Variants in RASSF8 observed in about 807,000 individuals in gnomAD.
RASSF8 encodes the protein ras association domain-containing protein 8.
A neutral mutation model predicts 48.5 loss-of-function variants in RASSF8; 22 were observed. The observed-to-expected ratio is 0.45, with a 90% CI of 0.32 to 0.65. The LOEUF (loss-of-function observed/expected upper bound fraction) is 0.65. RASSF8 is among the 30% of genes least tolerant of loss of function. The probability of loss-of-function intolerance (pLI) is 0.03; values close to 1 mark genes in which losing one functional copy is unlikely to be tolerated. For synonymous variants in RASSF8, 127 were observed against 171.5 expected (o/e 0.74, Z 2.03); for missense variants, 418 against 489.2 (o/e 0.85, Z 1.37).
intron 2 of RASSF8, among the ~76,000 whole-genome samples, chr12:26,027,012 G>T (rs1312438300): frequency 6.6e-6 from 1 of 152,116 alleles, no homozygotes; most frequent in Non-Finnish European, 1.5e-5. Context: ...TGAATTAATA[G>T]ATGTGATATA....
intron 2 of RASSF8, among the ~76,000 whole-genome samples, chr12:26,036,080 C>G (rs1362472812): frequency 6.6e-6 from 1 of 151,506 alleles, no homozygotes; most frequent in African/African-American, 2.4e-5. Flanking sequence ...TTTTCTTCAG[C>G]TCAAATCCAT....
intron 2 of RASSF8, among the ~76,000 whole-genome samples, chr12:26,027,380 A>G (rs1480360220): frequency 6.6e-6 from 1 of 152,242 alleles, no homozygotes; most frequent in Non-Finnish European, 1.5e-5. Context: ...ACAAACAAAC[A>G]GAAGCTGGAT....
At chr12:26,013,952 C>T (rs1382751454) in intron 2 of RASSF8, among the ~76,000 whole-genome samples, 1 of 152,068 alleles carries the variant, frequency 6.6e-6, no homozygotes, top group Non-Finnish European at 1.5e-5. Flanking sequence ...TTTTCTAAAC[C>T]CCATCTGAGT....
intron 3 of RASSF8, among the ~76,000 whole-genome samples, chr12:26,057,151 C>CT (rs1287797829): frequency 2.3e-3 from 345 of 149,532 alleles, no homozygotes; most frequent in African/African-American, 7.8e-3. Context: ...TAAAATTACA[C>CT]TTTAAGTTCT....
At chr12:26,026,540 A>G (rs1438513399) in intron 2 of RASSF8, among the ~76,000 whole-genome samples, 2 of 151,998 alleles carry the variant, frequency 1.3e-5, no homozygotes, top group Admixed American at 6.6e-5. Context: ...GGTTCAAGTG[A>G]CTTTCCTGCC....
downstream of RASSF8, among the ~76,000 whole-genome samples, chr12:26,076,010 G>A (rs1251360419): frequency 6.6e-6 from 1 of 152,116 alleles, no homozygotes; most frequent in East Asian, 1.9e-4. Flanking sequence ...AGCTAAAAAG[G>A]TCTTTTTATT....
Position 26,039,982 on chromosome 12 carries a change from T to C in RASSF8, c.-108-15254T>C, listed in dbSNP as rs2729637. On this transcript the variant is annotated intron_variant, in intron 2 of 5. Coordinates refer to ENST00000689635, the MANE Select transcript of RASSF8 (RefSeq NM_001394098.1). ...TGTCTGACCCTGGTAATACTGTAATTAACATAGAGCTTATGAATCATATCA... is the reference window on the plus strand; with the variant it reads ...TGTCTGACCCTGGTAATACTGTAATCAACATAGAGCTTATGAATCATATCA... 8.8e-3 allele frequency among the ~76,000 whole-genome samples: 1,337 copies of C among 152,340 alleles called. 16 individuals carry two copies. Among genetic ancestry groups the C allele is most frequent in the African/African-American group, 0.031 (1,268 of 41,572 alleles).
At chr12:25,990,148 C>A (rs775017671) in intron 1 of RASSF8, among the ~76,000 whole-genome samples, 6 of 151,984 alleles carry the variant, frequency 3.9e-5, no homozygotes, top group East Asian at 3.8e-4. Context: ...CTTTGTATAA[C>A]CTGTATAATG....
At chr12:26,061,214 C>T (rs1943734823) in intron 3 of RASSF8, among the ~76,000 whole-genome samples, 1 of 152,064 alleles carries the variant, frequency 6.6e-6, no homozygotes, top group Non-Finnish European at 1.5e-5. Context: ...GAATTCAGGG[C>T]ATAAATTTCT....
In RASSF8 at chr12:26,064,600, A is replaced by G; in HGVS notation, c.206A>G (p.Tyr69Cys). Residue 69 changes from tyrosine to cysteine, a missense_variant, in exon 4 of 6, where the codon TAT becomes TGT. Tyr to Cys is a radical substitution (Grantham distance 194). Coordinates refer to ENST00000689635, the MANE Select transcript of RASSF8 (RefSeq NM_001394098.1). ...PIISLNKWGQ[Y>C]ASDVQLILRR... ...ATATCCTTAAACAAATGGGGGCAGT[A>G]TGCTAGTGATGTGCAGCTCATTCTA... 6.2e-7 allele frequency: 1 copy of G among 1,614,166 alleles called. No homozygotes were observed. The highest frequency in any genetic ancestry group is 8.5e-7 in the Non-Finnish European group (1 of 1,180,022).
intron 1 of RASSF8, among the ~76,000 whole-genome samples, chr12:25,985,338 G>A (rs1011462876): frequency 2.6e-5 from 4 of 152,104 alleles, no homozygotes; most frequent in African/African-American, 9.7e-5. Flanking sequence ...TCATTGCTGG[G>A]ATCAGACAAA....
intron 2 of RASSF8, chr12:26,021,331 T>C (rs997347742): frequency 6.6e-6 from 1 of 152,224 alleles, no homozygotes; most frequent in Non-Finnish European, 1.5e-5. Context: ...TGAATGTTTG[T>C]CCCCTGCAAA....
chr12:25,989,227 G>A (rs145818952), intron 1 of RASSF8, among the ~76,000 whole-genome samples: 1 of 152,146 alleles, frequency 6.6e-6, no homozygotes, highest in African/African-American at 2.4e-5. Flanking sequence ...CACACCCACA[G>A]CCATACTGTT....
intron 2 of RASSF8, among the ~76,000 whole-genome samples, chr12:26,034,603 G>A (rs910170080): frequency 6.6e-6 from 1 of 151,934 alleles, no homozygotes; most frequent in Non-Finnish European, 1.5e-5. Flanking sequence ...ATAATCTTAG[G>A]GGGGAGAAAA....
At chr12:26,020,806 T>C (rs1942770059) in intron 2 of RASSF8, among the ~76,000 whole-genome samples, 1 of 152,204 alleles carries the variant, frequency 6.6e-6, no homozygotes, top group Non-Finnish European at 1.5e-5. Context: ...TTCCTTTGTT[T>C]AAACCTTGCT....
chr12:26,055,318 G>A lies in RASSF8; in HGVS notation c.-26G>A, dbSNP rs372027069. 1.1e-5 allele frequency: 17 copies of A among 1,585,910 alleles called. No homozygotes were observed. Among genetic ancestry groups the A allele is most frequent in the African/African-American group, 8.1e-5 (6 of 74,338 alleles). On this transcript the variant is annotated 5_prime_UTR_variant, in exon 3 of 6. Coordinates refer to ENST00000689635, the MANE Select transcript of RASSF8 (RefSeq NM_001394098.1). ...TAACACCCTGATGACCACTCTCAGGGACCTTGAGTGACTGGCCGGTGCACC... is the reference window on the plus strand; with the variant it reads ...TAACACCCTGATGACCACTCTCAGGAACCTTGAGTGACTGGCCGGTGCACC...
In RASSF8 at chr12:26,078,123, G is replaced by T. The variant is rs141216216; in HGVS notation, c.1139-910G>T. Reference sequence around the variant, plus strand: ...ATATTTATTGAATGCCTACTGTGTAGTAGACACTGGAGATATAGCAGTGAA... The same window carrying T: ...ATATTTATTGAATGCCTACTGTGTATTAGACACTGGAGATATAGCAGTGAA... On this transcript the variant is annotated intron_variant, in intron 5 of 5. Transcript: ENST00000381352. Among the ~76,000 whole-genome samples the T allele has an allele frequency of 5.5e-3, 833 of 152,302 alleles. 4 individuals carry two copies. The highest frequency in any genetic ancestry group is 0.018 in the African/African-American group (751 of 41,544).
intron 1 of RASSF8, among the ~76,000 whole-genome samples, chr12:25,964,752 A>G (rs182192504): frequency 6.6e-6 from 1 of 152,334 alleles, no homozygotes; most frequent in East Asian, 1.9e-4. Flanking sequence ...ATGAAACTCT[A>G]CTGTAAAAAT....
Position 26,069,440 on chromosome 12 carries a change from G to A in RASSF8, c.*622G>A, listed in dbSNP as rs1410588737. ...AATAATTCAGGGTTTTTTAAATCTG[G>A]AATTTAGTCGTTCCTTTACAATATT... is the stretch of plus-strand genomic sequence containing the variant. On this transcript the variant is annotated 3_prime_UTR_variant, in exon 6 of 6. Transcript: ENST00000689635. The A allele has an allele frequency of 1.0e-6, 1 of 985,268 alleles. No individual in the cohort carries two copies. Among genetic ancestry groups the A allele is most frequent in the Non-Finnish European group, 1.2e-6 (1 of 829,916 alleles). 61.0% of individuals were successfully genotyped at this position (985,268 alleles called of 1,614,324 possible).
Sources: gnomAD v4.1 joint callset for allele counts (sites outside exome capture counted in the v4.1 genomes callset) on GRCh38, gnomAD v4.1.1 for gene constraint, MANE v1.5 for transcripts, NCBI Gene and HGNC (gene_info 2026-07-23, HGNC 2026-07-21) for gene names.